The following EML1 variants were observed in gnomAD, a reference collection of about 807,000 sequenced individuals.
EML1 encodes the protein EMAP like 1, also known as echinoderm microtubule-associated protein-like 1.
EML1 carries 27 observed loss-of-function variants against 110.4 expected under a neutral mutation model. That is an observed-to-expected ratio of 0.24 (90% CI 0.18 to 0.34). The LOEUF (loss-of-function observed/expected upper bound fraction) is 0.34, where lower values mean the gene tolerates loss of function less well. Ranked by LOEUF, EML1 falls within the 10% of genes least tolerant of loss-of-function variation. The probability of loss-of-function intolerance (pLI) is 1.00; values close to 1 mark genes in which losing one functional copy is unlikely to be tolerated. For missense variants in EML1, 741 were observed against 1,030.9 expected (o/e 0.72, Z 3.85); for synonymous variants, 344 against 385.8 (o/e 0.89, Z 1.27).
At chr14:99,765,615 AT>A (rs575141599) in intron 1 of EML1, among the ~76,000 whole-genome samples, 2 of 151,848 alleles carry the variant, frequency 1.3e-5, no homozygotes, top group Non-Finnish European at 2.9e-5. Context: ...ATATATATAT[AT>A]TTTTTGAGAC....
chr14:99,917,151 C>T (rs553468185), intron 15 of EML1, among the ~76,000 whole-genome samples: 35 of 152,232 alleles, frequency 2.3e-4, no homozygotes, highest in African/African-American at 7.5e-4. Context: ...CCACTCAGCA[C>T]GGGGAGTCAA....
chr14:99,770,377 T>TTCTATCTATATCTA (rs1555388117), upstream of EML1, among the ~76,000 whole-genome samples: 3 of 150,186 alleles, frequency 2.0e-5, no homozygotes, highest in African/African-American at 7.4e-5. Context: ...AAAAATTTCT[T>TTCTATCTATATCTA]TCTATCTATC....
intron 1 of EML1, among the ~76,000 whole-genome samples, chr14:99,748,220 G>A (rs570847989): frequency 5.3e-5 from 8 of 152,146 alleles, no homozygotes; most frequent in Admixed American, 2.6e-4. Flanking sequence ...GCAGCCCCAG[G>A]ACAGCCCCTG....
intron 2 of EML1, among the ~76,000 whole-genome samples, chr14:99,855,376 T>C (rs2058884899): frequency 6.6e-6 from 1 of 152,212 alleles, no homozygotes; most frequent in South Asian, 2.1e-4. Flanking sequence ...TTCTTTGCAT[T>C]GAATCTGAGG....
At chr14:99,893,617 T>C (rs944993206) in intron 5 of EML1, among the ~76,000 whole-genome samples, 1 of 152,224 alleles carries the variant, frequency 6.6e-6, no homozygotes, top group Non-Finnish European at 1.5e-5. Flanking sequence ...ATAAGACTTA[T>C]AAAACTAACT....
intron 4 of EML1, among the ~76,000 whole-genome samples, chr14:99,887,755 G>C (rs2059506419): frequency 6.6e-6 from 1 of 152,212 alleles, no homozygotes; most frequent in Admixed American, 6.5e-5. Context: ...CAATTTGAGT[G>C]GCTGTGCGTT....
At chr14:99,800,605 C>A (rs923031934) in intron 1 of EML1, among the ~76,000 whole-genome samples, 1 of 152,200 alleles carries the variant, frequency 6.6e-6, no homozygotes, top group African/African-American at 2.4e-5. Context: ...AAGAGATCCT[C>A]CTGCCTTGGC....
chr14:99,822,200 G>GT lies in EML1; in HGVS notation c.68-28644dup, dbSNP rs202105698. Among the ~76,000 whole-genome samples, 43 of 139,376 alleles carry GT rather than the reference G, an allele frequency of 3.1e-4. No homozygotes were observed. In the East Asian group the frequency reaches 6.4e-3, roughly 21 times the overall value. The allele number at this position is 139,376 out of a possible 152,430, so 91.4% of individuals were successfully genotyped here. A position where few individuals can be genotyped will look rare whatever the true frequency, so the allele number is the denominator to read the frequency against. ...GAGTCCTTAGTATCCTAGGACATATGTTTTTTTTTAGTTCCACCTTTTGAG... is the reference window on the plus strand; with the variant it reads ...GAGTCCTTAGTATCCTAGGACATATGTTTTTTTTTTAGTTCCACCTTTTGAG... On this transcript the variant is annotated intron_variant, in intron 1 of 21. Transcript: ENST00000262233.
At chr14:99,914,766 G>A (rs935433577) in intron 15 of EML1, 69 bp downstream of exon 15, 1 of 1,521,208 alleles carries the variant, frequency 6.6e-7, no homozygotes, top group Non-Finnish European at 8.8e-7. Flanking sequence ...TTTATTTTTT[G>A]CATGAAATCA....
At chr14:99,738,685 C>G (rs1471733572) in intron 1 of EML1, among the ~76,000 whole-genome samples, 4 of 152,234 alleles carry the variant, frequency 2.6e-5, no homozygotes, top group African/African-American at 7.2e-5. Flanking sequence ...TCCTAACCCC[C>G]CAATGGCTGT....
chr14:99,901,822 TTCTG>T (rs1318586901), intron 9 of EML1, among the ~76,000 whole-genome samples: 1 of 152,130 alleles, frequency 6.6e-6, no homozygotes, highest in Non-Finnish European at 1.5e-5. Flanking sequence ...CTCCATCTCA[TTCTG>T]TGACCTAGAA....
chr14:99,918,643 C>T (rs1595480544), intron 16 of EML1, among the ~76,000 whole-genome samples: 1 of 152,070 alleles, frequency 6.6e-6, no homozygotes, highest in Non-Finnish European at 1.5e-5. Context: ...CACAGCAAGA[C>T]CCTATCTCTA....
chr14:99,892,313 C>A, intron 5 of EML1: 1 of 582,700 alleles, frequency 1.7e-6, no homozygotes, highest in Non-Finnish European at 2.2e-6. Flanking sequence ...TTTTGTGTTG[C>A]AAACCACTTC....
intron 1 of EML1, among the ~76,000 whole-genome samples, chr14:99,750,726 A>G (rs944038476): frequency 3.9e-5 from 6 of 152,042 alleles, no homozygotes; most frequent in African/African-American, 1.4e-4. Flanking sequence ...GAAAGCTGTG[A>G]AGGAGGGAGG....
At chr14:99,908,021 T>G (rs566929870) in intron 10 of EML1, among the ~76,000 whole-genome samples, 12 of 152,244 alleles carry the variant, frequency 7.9e-5, no homozygotes, top group Non-Finnish European at 1.2e-4. Context: ...GCTGTTCCTT[T>G]CATTTGCTTG....
intron 1 of EML1, among the ~76,000 whole-genome samples, chr14:99,849,525 GTGTGTATA>G (rs1179769779): frequency 7.3e-6 from 1 of 136,248 alleles, no homozygotes; most frequent in Non-Finnish European, 1.7e-5. Context: ...GTGTGTGTGT[GTGTGTATA>G]TATATTTATT....
chr14:99,747,758 T>G (rs2057128372), intron 1 of EML1, among the ~76,000 whole-genome samples: 1 of 152,102 alleles, frequency 6.6e-6, no homozygotes. Context: ...CTGGGAGGCC[T>G]GAGTGGAAGC....
In EML1 at chr14:99,764,217, C is replaced by T. The variant is rs117648253; in HGVS notation, c.28+26357C>T. 1.3e-3 allele frequency among the ~76,000 whole-genome samples: 196 copies of T among 152,336 alleles called. 3 individuals are homozygous for T. In the East Asian group the frequency reaches 0.031, roughly 24 times the overall value. On this transcript the variant is annotated intron_variant, in intron 1 of 10. Coordinates refer to the EML1 transcript ENST00000554479. Reference sequence around the variant, plus strand: ...TGGGTGGCTCCAGAGCTGTTCTCCTCCTGCCTCCTCCCCCAGCTCACAGAG... The same window carrying T: ...TGGGTGGCTCCAGAGCTGTTCTCCTTCTGCCTCCTCCCCCAGCTCACAGAG...
intron 2 of EML1, among the ~76,000 whole-genome samples, chr14:99,860,326 T>A (rs2058981613): frequency 6.6e-6 from 1 of 152,192 alleles, no homozygotes; most frequent in Non-Finnish European, 1.5e-5. Context: ...CTTAGTGTCA[T>A]CTGGAAGCTA....
Sources: allele counts gnomAD v4.1 joint callset (sites outside exome capture counted in the v4.1 genomes callset), GRCh38; gene constraint gnomAD v4.1.1; transcripts MANE v1.5; gene names NCBI Gene and HGNC (gene_info 2026-07-23, HGNC 2026-07-21).